MDFIC2: variants seen among roughly 807,000 people sequenced by gnomAD.
MDFIC2 encodes myoD family inhibitor domain-containing protein 2.
chr3:70,291,389 A>C (rs901784886), intron 2 of MDFIC2: 1 of 152,156 alleles, frequency 6.6e-6, no homozygotes, highest in Non-Finnish European at 1.5e-5. Flanking sequence ...TATCATTACG[A>C]TATAACAAAT....
intron 2 of MDFIC2, among the ~76,000 whole-genome samples, chr3:70,307,319 C>T (rs1187681674): frequency 6.6e-6 from 1 of 152,108 alleles, no homozygotes; most frequent in Non-Finnish European, 1.5e-5. Flanking sequence ...AAATCGTGTG[C>T]ACTTCAAACG....
In MDFIC2 at chr3:70,286,385, T is replaced by C. The variant is rs1299145790; in HGVS notation, c.88+25501A>G. 3.3e-5 allele frequency among the ~76,000 whole-genome samples: 5 copies of C among 152,080 alleles called. No individual in the cohort carries two copies. In the East Asian group the frequency reaches 9.6e-4, roughly 29 times the overall value. ...GATAGTTGTAGATATGTGGCATTATTTCTGAGGGCTCTGTTCTGTTCCATT... is the reference window on the plus strand; with the variant it reads ...GATAGTTGTAGATATGTGGCATTATCTCTGAGGGCTCTGTTCTGTTCCATT... On this transcript the variant is annotated intron_variant, in intron 2 of 3. Transcript: ENST00000567252.
chr3:70,221,053 C>T (rs1701457055), intron 2 of MDFIC2, among the ~76,000 whole-genome samples: 1 of 152,124 alleles, frequency 6.6e-6, no homozygotes. Flanking sequence ...GCATCTAAAC[C>T]AGGTACAACA....
At chr3:70,239,080 T>C (rs748967520) in intron 2 of MDFIC2, among the ~76,000 whole-genome samples, 4 of 152,156 alleles carry the variant, frequency 2.6e-5, no homozygotes, top group Non-Finnish European at 5.9e-5. Context: ...CTAAAATGAA[T>C]GGAAAAGAAT....
intron 2 of MDFIC2, among the ~76,000 whole-genome samples, chr3:70,253,744 TA>T (rs1182427448): frequency 4.6e-5 from 7 of 151,880 alleles, no homozygotes; most frequent in Admixed American, 2.0e-4. Context: ...AAAATACAAA[TA>T]AAAAAAGAAA....
chr3:70,219,934 T>G (rs1301879461), intron 2 of MDFIC2, among the ~76,000 whole-genome samples: 1 of 152,150 alleles, frequency 6.6e-6, no homozygotes, highest in Non-Finnish European at 1.5e-5. Flanking sequence ...CTGCGATGTA[T>G]TTCCTGAGCA....
intron 2 of MDFIC2, among the ~76,000 whole-genome samples, chr3:70,288,684 G>A (rs1467472044): frequency 6.6e-6 from 1 of 151,876 alleles, no homozygotes; most frequent in Non-Finnish European, 1.5e-5. Context: ...TTATTAATGT[G>A]TGGAAGTCTA....
chr3:70,246,214 AT>A (rs1443968680), intron 2 of MDFIC2, among the ~76,000 whole-genome samples: 1 of 151,968 alleles, frequency 6.6e-6, no homozygotes, highest in South Asian at 2.1e-4. Context: ...ACCATTTTTA[AT>A]TTTTGATATT....
At chr3:70,285,455 C>A (rs1702151058) in intron 2 of MDFIC2, among the ~76,000 whole-genome samples, 1 of 151,920 alleles carries the variant, frequency 6.6e-6, no homozygotes, top group African/African-American at 2.4e-5. Context: ...TCCAGTCTAT[C>A]ATTGTTGGAC....
At chr3:70,236,938 A>C (rs2106749354) in intron 2 of MDFIC2, among the ~76,000 whole-genome samples, 1 of 152,316 alleles carries the variant, frequency 6.6e-6, no homozygotes, top group African/African-American at 2.4e-5. Flanking sequence ...TTATTAAGCA[A>C]GTCACATGTA....
intron 2 of MDFIC2, among the ~76,000 whole-genome samples, chr3:70,215,201 A>G (rs558302263): frequency 6.6e-6 from 1 of 152,274 alleles, no homozygotes; most frequent in Non-Finnish European, 1.5e-5. Context: ...TCATTATTAC[A>G]TGAATGAGGA....
chr3:70,238,180 C>T (rs1041276644), intron 2 of MDFIC2, among the ~76,000 whole-genome samples: 1 of 151,590 alleles, frequency 6.6e-6, no homozygotes, highest in Admixed American at 6.6e-5. Context: ...TTGTGAGACT[C>T]GCATAGCACC....
At chr3:70,204,648 A>G (rs1218162606) in intron 3 of MDFIC2, 2 of 146,176 alleles carry the variant, frequency 1.4e-5, no homozygotes, top group South Asian at 2.1e-4. Context: ...GTAGTCAGCT[A>G]TTTTCTTTCT....
intron 2 of MDFIC2, among the ~76,000 whole-genome samples, chr3:70,287,521 T>C (rs1418308603): frequency 6.6e-6 from 1 of 151,888 alleles, no homozygotes; most frequent in Admixed American, 6.6e-5. Context: ...AAAATTCTCT[T>C]TTTTGGTTGT....
intron 2 of MDFIC2, among the ~76,000 whole-genome samples, chr3:70,297,998 A>C (rs1702306118): frequency 6.6e-6 from 1 of 152,090 alleles, no homozygotes; most frequent in Non-Finnish European, 1.5e-5. Context: ...ATTTTTAAAA[A>C]TTCTAAATAT....
intron 2 of MDFIC2, among the ~76,000 whole-genome samples, chr3:70,246,340 T>C (rs187762112): frequency 1.4e-4 from 22 of 152,230 alleles, no homozygotes; most frequent in African/African-American, 4.6e-4. Flanking sequence ...AAAGAAACTG[T>C]CTAAGTCTAA....
intron 2 of MDFIC2, among the ~76,000 whole-genome samples, chr3:70,273,661 C>T (rs899681998): frequency 6.6e-6 from 1 of 152,222 alleles, no homozygotes. Context: ...TACAGATGGA[C>T]TTGGCACACA....
chr3:70,237,225 T>A (rs769442106), intron 2 of MDFIC2, among the ~76,000 whole-genome samples: 13 of 152,168 alleles, frequency 8.5e-5, no homozygotes, highest in Non-Finnish European at 1.8e-4. Context: ...ATCCTGGAGG[T>A]GTGCTCATTT....
chr3:70,271,027 G>C (rs1701971465), intron 2 of MDFIC2, among the ~76,000 whole-genome samples: 1 of 151,684 alleles, frequency 6.6e-6, no homozygotes, highest in Non-Finnish European at 1.5e-5. Context: ...AGAACTTCAA[G>C]TATAATAATA....
Sources: allele counts gnomAD v4.1 joint callset (sites outside exome capture counted in the v4.1 genomes callset), GRCh38; gene constraint gnomAD v4.1.1; transcripts MANE v1.5; gene names NCBI Gene and HGNC (gene_info 2026-07-23, HGNC 2026-07-21).